Variants in OR1L6 observed in about 807,000 individuals in gnomAD.
The protein encoded by OR1L6 is olfactory receptor 1L6.
A neutral mutation model predicts 3.0 loss-of-function variants in OR1L6; 2 were observed. The observed-to-expected ratio is 0.68, with a 90% CI of 0.28 to 2.13. The LOEUF is 2.13. Among genes scored for constraint, OR1L6 ranks in the 30% most tolerant of loss-of-function variants. The pLI, the probability that OR1L6 is intolerant of heterozygous loss-of-function variation, is 0.14. For synonymous variants in OR1L6, 121 were observed against 148.4 expected, an observed-to-expected ratio of 0.82 and a Z score of 1.34; for missense variants, 304 against 378.4, an observed-to-expected ratio of 0.80 and a Z score of 1.63.
Position 122,750,214 on chromosome 9 carries a change from C to G in OR1L6, c.367C>G (p.Arg123Gly), listed in dbSNP as rs779715600. The change falls in exon 2 of 2, where the codon CGG (arginine) becomes GGG (glycine). Residue 123 changes from arginine to glycine, a missense_variant. By Grantham distance (125) the Arg-to-Gly change is moderately radical. Around this residue, in one of 3 missense-constraint regions of OR1L6, gnomAD observed 192 missense variants for 242.7 expected, o/e 0.79. Coordinates refer to ENST00000304720, the MANE Select transcript of OR1L6 (RefSeq NM_001004453.3). ...SYLLASMAID[R>G]LVAICNPLHY... ...CCTGCTGGCCTCTATGGCCATCGAC[C>G]GGCTGGTGGCCATCTGCAACCCCTT... 12 of 1,614,060 alleles carry G rather than the reference C, an allele frequency of 7.4e-6. No individual in the cohort carries two copies. The highest frequency in any genetic ancestry group is 8.5e-6 in the Non-Finnish European group (10 of 1,179,976).
intron 1 of OR1L6, among the ~76,000 whole-genome samples, chr9:122,745,244 A>G (rs1828824378): frequency 6.6e-6 from 1 of 152,234 alleles, no homozygotes; most frequent in South Asian, 2.1e-4. Flanking sequence ...CCATTGTAAC[A>G]TTCTTGGGGT....
intron 1 of OR1L6, among the ~76,000 whole-genome samples, chr9:122,748,118 C>T (rs1828854100): frequency 6.6e-6 from 1 of 152,100 alleles, no homozygotes; most frequent in Non-Finnish European, 1.5e-5. Context: ...GGACCAAACG[C>T]TTAAAATTAA....
At chr9:122,747,060 A>C (rs955646138) in intron 1 of OR1L6, among the ~76,000 whole-genome samples, 2 of 152,014 alleles carry the variant, frequency 1.3e-5, no homozygotes, top group East Asian at 3.8e-4. Context: ...TTGGATTTTT[A>C]ACTTTTAGGT....
At position 122,750,772 on chromosome 9, in the gene OR1L6, A is replaced by G. The variant is rs1197608029; in HGVS notation, c.925A>G (p.Ile309Val). ...KRGLKKLQDR[I>V]YR Reference sequence around the variant, plus strand: ...GGGTTTGAAGAAATTACAGGACAGAATTTACCGGTAAAAGGAACAAAATGT... The same window carrying G: ...GGGTTTGAAGAAATTACAGGACAGAGTTTACCGGTAAAAGGAACAAAATGT... The change falls in exon 2 of 2, where the codon ATT becomes GTT. Residue 309 changes from isoleucine to valine, a missense_variant. By Grantham distance (29) the Ile-to-Val change is conservative. Transcript: ENST00000304720. 1 of 1,602,006 alleles carries G rather than the reference A, an allele frequency of 6.2e-7. No individual in the cohort carries two copies. The highest frequency in any genetic ancestry group is 2.2e-5 in the East Asian group (1 of 44,706).
In OR1L6 at chr9:122,746,618, T is replaced by C. The variant is rs117693236; in HGVS notation, c.-13-3217T>C. ...AATATTACTATTTTTAAAGGATAGCTTTTCATAAGTAAAATTATTGGACAA... is the reference window on the plus strand; with the variant it reads ...AATATTACTATTTTTAAAGGATAGCCTTTCATAAGTAAAATTATTGGACAA... On this transcript the variant is annotated intron_variant, in intron 1 of 1. Transcript: ENST00000304720. Among the ~76,000 whole-genome samples the C allele has an allele frequency of 1.1e-4, 16 of 152,332 alleles. No homozygotes were observed. The East Asian group carries it at 3.1e-3, about 29-fold the overall frequency.
chr9:122,749,804 C>T, intron 1 of OR1L6, 31 bp from the exon 2 acceptor site: 1 of 1,602,384 alleles, frequency 6.2e-7, no homozygotes, highest in Non-Finnish European at 8.6e-7. Context: ...CCCTTTACAT[C>T]TCTCCCACTG....
In OR1L6 at chr9:122,750,541, G is replaced by A; in HGVS notation, c.694G>A (p.Ala232Thr). ...IMVTVLRIPS[A>T]AGKWKAFSTC... ...GGTCACTGTGCTCAGAATCCCCTCT[G>A]CAGCCGGGAAGTGGAAGGCCTTCTC... The change falls in exon 2 of 2, where the codon GCA becomes ACA. Residue 232 changes from alanine (A) to threonine (T), a missense_variant. This residue lies in a region of OR1L6 where 21 missense variants were observed against 47.9 expected (regional missense o/e 0.44). Coordinates refer to ENST00000304720, the MANE Select transcript of OR1L6 (RefSeq NM_001004453.3). The A allele has an allele frequency of 7.6e-6, 12 of 1,587,596 alleles. No homozygotes were observed. Among genetic ancestry groups the A allele is most frequent in the Non-Finnish European group, 1.0e-5 (12 of 1,158,948 alleles).
rs757609458 is a variant in OR1L6, at chr9:122,750,580, C to T, written c.733C>T (p.His245Tyr). ...GAAGGCCTTCTCTACCTGTGGCTCC[C>T]ACCTCACTGCAGTAGCCCTTTTCTA... Reference protein sequence around the residue: ...KWKAFSTCGSHLTAVALFYGS... With the variant: ...KWKAFSTCGSYLTAVALFYGS... Residue 245 changes from histidine (H) to tyrosine (Y), a missense_variant, in exon 2 of 2, where the codon CAC (histidine) becomes TAC (tyrosine). By Grantham distance (83) the His-to-Tyr change is moderately conservative. This residue lies in a region of OR1L6 where 91 missense variants were observed against 87.8 expected (regional missense o/e 1.04). Transcript: ENST00000304720. The T allele has an allele frequency of 1.2e-6, 2 of 1,613,984 alleles. No homozygotes were observed. The highest frequency in any genetic ancestry group is 1.1e-5 in the South Asian group (1 of 91,066).
Position 122,750,045 on chromosome 9 carries a change from C to T in OR1L6, c.198C>T (p.Asn66=), listed in dbSNP as rs1828874964. The change falls in exon 2 of 2, where the codon AAC becomes AAT. Residue 66 remains asparagine, a synonymous_variant. Coordinates refer to ENST00000304720, the MANE Select transcript of OR1L6 (RefSeq NM_001004453.3). ...LHTPMYFFLS[N]LSFMDICFTT... is the part of the protein sequence containing the mutation. ...CCCCTATGTACTTTTTTCTCAGCAACTTGTCTTTCATGGATATCTGCTTCA... is the reference window on the plus strand; with the variant it reads ...CCCCTATGTACTTTTTTCTCAGCAATTTGTCTTTCATGGATATCTGCTTCA... 1 of 1,614,164 alleles carries T rather than the reference C, an allele frequency of 6.2e-7. No homozygotes were observed. The highest frequency in any genetic ancestry group is 2.2e-5 in the East Asian group (1 of 44,874).
chr9:122,750,050 C>G lies in OR1L6; in HGVS notation c.203C>G (p.Ser68Cys), dbSNP rs1251217091. Residue 68 changes from serine (S) to cysteine (C), a missense_variant, in exon 2 of 2, where the codon TCT (serine) becomes TGT (cysteine). Coordinates refer to ENST00000304720, the MANE Select transcript of OR1L6 (RefSeq NM_001004453.3). Reference protein sequence around the residue: ...TPMYFFLSNLSFMDICFTTVI... With the variant: ...TPMYFFLSNLCFMDICFTTVI... ...ATGTACTTTTTTCTCAGCAACTTGT[C>G]TTTCATGGATATCTGCTTCACAACA... is the stretch of plus-strand genomic sequence containing the variant. 1 of 1,614,150 alleles carries G rather than the reference C, an allele frequency of 6.2e-7. No homozygotes were observed. Among genetic ancestry groups the G allele is most frequent in the East Asian group, 2.2e-5 (1 of 44,872 alleles).
At chr9:122,744,232 T>C (rs1407700576) in intron 1 of OR1L6, among the ~76,000 whole-genome samples, 1 of 152,214 alleles carries the variant, frequency 6.6e-6, no homozygotes, top group Non-Finnish European at 1.5e-5. Flanking sequence ...AGTAGGTGCA[T>C]GGATAACAAG....
At position 122,750,681 on chromosome 9, in the gene OR1L6, G is replaced by A. The variant is rs144649416; in HGVS notation, c.834G>A (p.Met278Ile). ...SVVRDRVATV[M>I]YTVVTPMLNP... ...TTAGGGACCGGGTAGCCACAGTTATGTACACAGTAGTGACACCCATGCTGA... is the reference window on the plus strand; with the variant it reads ...TTAGGGACCGGGTAGCCACAGTTATATACACAGTAGTGACACCCATGCTGA... The change falls in exon 2 of 2, where the codon ATG (methionine) becomes ATA (isoleucine). Residue 278 changes from methionine to isoleucine, a missense_variant. Coordinates refer to ENST00000304720, the MANE Select transcript of OR1L6 (RefSeq NM_001004453.3). 7.9e-4 allele frequency: 1,275 copies of A among 1,613,968 alleles called. 5 individuals are homozygous for A. In the African/African-American group the frequency reaches 0.015, roughly 18 times the overall value.
Position 122,748,965 on chromosome 9 carries a change from A to T in OR1L6, c.-13-870A>T, listed in dbSNP as rs1588015018. The stretch of plus-strand genomic sequence containing the variant: ...TGTGTGTGTGTGTACACGTATACGT[A>T]CACACACCACTTCTTTTATTCATTC... On this transcript the variant is annotated intron_variant, in intron 1 of 1. Transcript: ENST00000304720. 2.0e-5 allele frequency among the ~76,000 whole-genome samples: 3 copies of T among 152,324 alleles called. 1 individual carries two copies. The South Asian group carries it at 6.2e-4, about 32-fold the overall frequency.
At chr9:122,747,917 C>T (rs1286623117) in intron 1 of OR1L6, among the ~76,000 whole-genome samples, 1 of 151,906 alleles carries the variant, frequency 6.6e-6, no homozygotes, top group East Asian at 1.9e-4. Context: ...CAGGAGCCAT[C>T]CTTTTCTGCT....
Position 122,749,739 on chromosome 9 carries a change from T to C in OR1L6, c.-13-96T>C, listed in dbSNP as rs558442334. ...AAAAAAAACAACCGTAACAAAGGGC[T>C]ATGAGCTATTTTTACAGGCTTAAGC... On this transcript the variant is annotated intron_variant, in intron 1 of 1. Coordinates refer to ENST00000304720, the MANE Select transcript of OR1L6 (RefSeq NM_001004453.3). 7 of 1,126,874 alleles carry C rather than the reference T, an allele frequency of 6.2e-6. No homozygotes were observed. In the East Asian group the frequency reaches 1.6e-4, roughly 26 times the overall value. The allele number at this position is 1,126,874 out of a possible 1,614,324, so 69.8% of individuals were successfully genotyped here.
At chr9:122,743,413 T>C (rs1478183939) in intron 1 of OR1L6, among the ~76,000 whole-genome samples, 1 of 152,188 alleles carries the variant, frequency 6.6e-6, no homozygotes, top group Non-Finnish European at 1.5e-5. Context: ...CCACCTTCTC[T>C]GAAGCAAGAG....
intron 1 of OR1L6, among the ~76,000 whole-genome samples, chr9:122,745,931 G>A (rs1196524181): frequency 6.6e-6 from 1 of 151,962 alleles, no homozygotes; most frequent in East Asian, 1.9e-4. Context: ...AGGTATACAT[G>A]TGCCATGGTG....
intron 1 of OR1L6, among the ~76,000 whole-genome samples, chr9:122,748,614 G>C (rs1828859304): frequency 6.6e-6 from 1 of 151,900 alleles, no homozygotes. Context: ...GGGTCTTTAG[G>C]GTGTCTACCA....
chr9:122,742,756 G>T lies in OR1L6; in HGVS notation c.-14+383G>T, dbSNP rs144725823. Among the ~76,000 whole-genome samples the T allele has an allele frequency of 1.4e-3, 206 of 152,308 alleles. 1 individual carries two copies. The highest frequency in any genetic ancestry group is 4.8e-3 in the African/African-American group (200 of 41,564). On this transcript the variant is annotated intron_variant, in intron 1 of 1. Transcript: ENST00000304720. ...GTGTGTTCTTAGGCAAGTCACTTCAGTTCTGTACCTCATTTGTGTTATCTG... is the reference window on the plus strand; with the variant it reads ...GTGTGTTCTTAGGCAAGTCACTTCATTTCTGTACCTCATTTGTGTTATCTG...
Sources: allele counts gnomAD v4.1 joint callset (sites outside exome capture counted in the v4.1 genomes callset), GRCh38; gene constraint gnomAD v4.1.1; regional missense constraint gnomAD v4.1.1; transcripts MANE v1.5; gene names NCBI Gene and HGNC (gene_info 2026-07-23, HGNC 2026-07-21).